Variants in EPM2A observed in about 807,000 individuals in gnomAD.
EPM2A encodes EPM2A glucan phosphatase, laforin, also known as laforin.
Under a neutral mutation model 26.5 loss-of-function variants are expected in EPM2A, and 21 were observed. That is an observed-to-expected ratio of 0.79 (90% CI 0.56 to 1.14). EPM2A has a LOEUF of 1.14. Ranked by LOEUF, EPM2A falls within the 50% of genes most tolerant of loss-of-function variation. EPM2A has a pLI of 0.00. For synonymous variants in EPM2A, 217 were observed against 177.6 expected, an observed-to-expected ratio of 1.22 and a Z score of -1.76; for missense variants, 458 against 440.8, an observed-to-expected ratio of 1.04 and a Z score of -0.35.
intron 1 of EPM2A, among the ~76,000 whole-genome samples, chr6:145,695,095 G>C (rs1173848019): frequency 6.6e-6 from 1 of 151,944 alleles, no homozygotes; most frequent in Non-Finnish European, 1.5e-5. Flanking sequence ...AACAACTGTG[G>C]CTTTGATAAA....
chr6:145,479,383 T>C (rs984750564), intron 4 of EPM2A, among the ~76,000 whole-genome samples: 5 of 147,690 alleles, frequency 3.4e-5, no homozygotes, highest in African/African-American at 1.2e-4. Context: ...ATCACCACTA[T>C]CTTTTTACAA....
intron 1 of EPM2A, among the ~76,000 whole-genome samples, chr6:145,712,166 C>T (rs557833170): frequency 5.9e-5 from 9 of 152,158 alleles, no homozygotes; most frequent in African/African-American, 1.7e-4. Flanking sequence ...ATAGATAATT[C>T]ATTTTAAGAA....
In EPM2A at chr6:145,646,212, A is replaced by G. The variant is rs563355871; in HGVS notation, c.477-10726T>C. 1.5e-4 allele frequency among the ~76,000 whole-genome samples: 23 copies of G among 152,150 alleles called. No individual in the cohort carries two copies. In the South Asian group the frequency reaches 4.1e-3, roughly 27 times the overall value. On this transcript the variant is annotated intron_variant, in intron 2 of 3. Transcript: ENST00000367519. ...GCTCTGTCACCCAGGGGTGCAGTGC[A>G]GTGGCGCGATCTTGGCTCACTGCAA...
intron 2 of EPM2A, among the ~76,000 whole-genome samples, chr6:145,519,817 C>A (rs1780179447): frequency 6.6e-6 from 1 of 152,192 alleles, no homozygotes; most frequent in Non-Finnish European, 1.5e-5. Context: ...CCATCTCATT[C>A]AATCCTCATA....
intron 2 of EPM2A, among the ~76,000 whole-genome samples, chr6:145,644,266 G>T (rs1419651534): frequency 1.3e-5 from 2 of 152,078 alleles, no homozygotes; most frequent in Non-Finnish European, 2.9e-5. Context: ...AACTATAGAT[G>T]ATTTTAAAAT....
intron 4 of EPM2A, among the ~76,000 whole-genome samples, chr6:145,416,224 G>C: frequency 6.7e-6 from 1 of 148,960 alleles, no homozygotes; most frequent in Admixed American, 6.8e-5. Context: ...CCCAGTGAAG[G>C]CTATGCATCT....
At position 145,468,411 on chromosome 6, in the gene EPM2A, T is replaced by A. The variant is rs575830371; in HGVS notation, c.555+34111A>T. On this transcript the variant is annotated intron_variant, in intron 4 of 4. Transcript: ENST00000638717. Reference sequence around the variant, plus strand: ...AGACTGCCAACTGAAATTATTATAATAATGTAATTCTGGCATAAACTTTGA... The same window carrying A: ...AGACTGCCAACTGAAATTATTATAAAAATGTAATTCTGGCATAAACTTTGA... 2.6e-5 allele frequency among the ~76,000 whole-genome samples: 4 copies of A among 152,274 alleles called. No homozygotes were observed. In the South Asian group the frequency reaches 8.3e-4, roughly 32 times the overall value.
chr6:145,624,785 G>A (rs559396183), downstream of EPM2A, among the ~76,000 whole-genome samples: 1 of 152,056 alleles, frequency 6.6e-6, no homozygotes, highest in Non-Finnish European at 1.5e-5. Flanking sequence ...CATTTCCAAA[G>A]TCTTAACCAC....
intron 4 of EPM2A, among the ~76,000 whole-genome samples, chr6:145,495,398 G>A (rs1446633707): frequency 6.6e-6 from 1 of 151,132 alleles, no homozygotes; most frequent in Non-Finnish European, 1.5e-5. Context: ...ATGTGAGATG[G>A]GTCTCTTGAA....
At chr6:145,548,644 T>C (rs928069044) in intron 2 of EPM2A, among the ~76,000 whole-genome samples, 2 of 152,068 alleles carry the variant, frequency 1.3e-5, no homozygotes, top group Non-Finnish European at 2.9e-5. Context: ...CAAACCCAAA[T>C]TGATTGCCAT....
chr6:145,449,301 AC>A (rs1447720829), intron 4 of EPM2A, among the ~76,000 whole-genome samples: 1 of 152,050 alleles, frequency 6.6e-6, no homozygotes, highest in Admixed American at 6.5e-5. Context: ...TAATTAGCAA[AC>A]CCTTCCTCAT....
intron 2 of EPM2A, among the ~76,000 whole-genome samples, chr6:145,652,409 T>C (rs767178686): frequency 4.6e-5 from 7 of 152,180 alleles, no homozygotes; most frequent in Non-Finnish European, 8.8e-5. Context: ...ATTTGGGTTA[T>C]CCTTGTGACA....
intron 2 of EPM2A, among the ~76,000 whole-genome samples, chr6:145,569,934 A>C (rs1165674307): frequency 6.6e-6 from 1 of 152,154 alleles, no homozygotes; most frequent in Non-Finnish European, 1.5e-5. Context: ...CTGCAGGCTG[A>C]GGAGCAAGGA....
chr6:145,546,540 A>G (rs1181125326), intron 2 of EPM2A, among the ~76,000 whole-genome samples: 2 of 152,136 alleles, frequency 1.3e-5, no homozygotes, highest in African/African-American at 4.8e-5. Context: ...TCACCAGTCA[A>G]GTTGACACCT....
intron 4 of EPM2A, among the ~76,000 whole-genome samples, chr6:145,392,582 C>T (rs1030470224): frequency 3.3e-5 from 5 of 152,094 alleles, no homozygotes; most frequent in African/African-American, 9.7e-5. Context: ...ACAAGTTGCT[C>T]AAATTACAGG....
intron 2 of EPM2A, among the ~76,000 whole-genome samples, chr6:145,578,765 T>C (rs1781071529): frequency 6.6e-6 from 1 of 152,198 alleles, no homozygotes; most frequent in Non-Finnish European, 1.5e-5. Context: ...AACTTTTAGT[T>C]TATGTAAACT....
Position 145,626,237 on chromosome 6 carries a change from T to C in EPM2A, c.*1179A>G. The C allele has an allele frequency of 1.0e-6, 1 of 991,602 alleles. No individual in the cohort carries two copies. The highest frequency in any genetic ancestry group is 1.2e-6 in the Non-Finnish European group (1 of 833,590). The allele number at this position is 991,602 out of a possible 1,614,324, so 61.4% of individuals were successfully genotyped here. ...CAGCACATTTTTGAAGGCAAAGTTG[T>C]TCATCTCTGTATTTCCTGTAGAACC... is the stretch of plus-strand genomic sequence containing the variant. On this transcript the variant is annotated 3_prime_UTR_variant, in exon 4 of 4. Coordinates refer to ENST00000367519, the MANE Select transcript of EPM2A (RefSeq NM_005670.4).
chr6:145,653,756 C>T (rs1401086670), intron 2 of EPM2A, among the ~76,000 whole-genome samples: 1 of 152,182 alleles, frequency 6.6e-6, no homozygotes, highest in African/African-American at 2.4e-5. Context: ...TCAGTCTTTT[C>T]TTAAGAACTT....
chr6:145,619,265 G>A (rs9497373), intron 2 of EPM2A, among the ~76,000 whole-genome samples: 15 of 152,178 alleles, frequency 9.9e-5, no homozygotes, highest in African/African-American at 3.6e-4. Flanking sequence ...GTGGAATGGG[G>A]ATTGAGATTT....
Sources: allele counts gnomAD v4.1 joint callset (sites outside exome capture counted in the v4.1 genomes callset), GRCh38; gene constraint gnomAD v4.1.1; transcripts MANE v1.5; gene names NCBI Gene and HGNC (gene_info 2026-07-23, HGNC 2026-07-21).